The following PSMC1 variants were observed in gnomAD, a reference collection of about 807,000 sequenced individuals.
PSMC1 encodes the protein 26S proteasome regulatory subunit 4.
In PSMC1, 5 loss-of-function variants were observed where a neutral mutation model predicts 49.8. The observed-to-expected ratio is 0.10, with a 90% CI of 0.05 to 0.21. The LOEUF is 0.21. Ranked by LOEUF, PSMC1 falls within the 10% of genes least tolerant of loss-of-function variation. The pLI is 1.00. For missense variants in PSMC1, 181 were observed against 535.7 expected (o/e 0.34, Z 6.54); for synonymous variants, 155 against 192.1 (o/e 0.81, Z 1.60).
chr14:90,272,452 T>C lies in PSMC1; in HGVS notation c.*45T>C. 1.4e-6 allele frequency: 2 copies of C among 1,479,570 alleles called. No individual in the cohort carries two copies. Among genetic ancestry groups the C allele is most frequent in the South Asian group, 2.5e-5 (2 of 78,746 alleles). The allele number at this position is 1,479,570 out of a possible 1,614,324, so 91.7% of individuals were successfully genotyped here. On this transcript the variant is annotated 3_prime_UTR_variant, in exon 11 of 11. Coordinates refer to ENST00000261303, the MANE Select transcript of PSMC1 (RefSeq NM_002802.3). This position sits in a 1 kb window ranked among gnomAD's most constrained non-coding sequence, Gnocchi z 4.5. ...GGAAAATGGTTGGGAGATTTCTCAA[T>C]CCCTGAAAGGGATGAGGTTGGGGGA...
rs1288134187 is a variant in PSMC1 at position 90,274,837 on chromosome 14, CA to C, written c.*2431del. The C allele has an allele frequency of 0.047, 3,149 of 67,178 alleles. 65 individuals are homozygous for C. Among genetic ancestry groups the C allele is most frequent in the Middle Eastern group, 0.12 (10 of 82 alleles). 4.2% of individuals were successfully genotyped at this position (67,178 alleles called of 1,614,324 possible). A position where few individuals can be genotyped will look rare whatever the true frequency, so the allele number is the denominator to read the frequency against. ...ACACACACACACACACACACACACA[CA>C]CCCCAATACATATGAATTGATCTGA... On this transcript the variant is annotated 3_prime_UTR_variant, in exon 11 of 11. Transcript: ENST00000261303.
chr14:90,259,207 T>G lies in PSMC1; in HGVS notation c.51T>G (p.Asp17Glu). The G allele has an allele frequency of 6.2e-7, 1 of 1,613,950 alleles. No homozygotes were observed. Among genetic ancestry groups the G allele is most frequent in the Non-Finnish European group, 8.5e-7 (1 of 1,179,884 alleles). Residue 17 changes from aspartate to glutamate, a missense_variant, in exon 2 of 11, where the codon GAT becomes GAG. Asp to Glu is a conservative substitution (Grantham distance 45). This residue lies in a region of PSMC1 where 121 missense variants were observed against 358.6 expected (regional missense o/e 0.34). Coordinates refer to ENST00000261303, the MANE Select transcript of PSMC1 (RefSeq NM_002802.3). ...ATGGTCCTGGAGGTGGCAAGAAGGA[T>G]GACAAGGTAAATATGCCAGATTTGT... ...GGHGPGGGKK[D>E]DKDKKKKYEP...
intron 5 of PSMC1, 23 bp downstream of exon 5, chr14:90,263,870 A>G (rs1423648389): frequency 6.2e-7 from 1 of 1,613,508 alleles, no homozygotes; most frequent in Admixed American, 1.7e-5. Context: ...TCTTTTTCAG[A>G]AAGCCCACGG....
chr14:90,266,112 A>G (rs1444721207), intron 7 of PSMC1, among the ~76,000 whole-genome samples: 2 of 151,602 alleles, frequency 1.3e-5, no homozygotes, highest in African/African-American at 4.8e-5. Context: ...AAAACTAGCC[A>G]GGTGTGGTGA....
At chr14:90,270,568 T>G in intron 10 of PSMC1, 1 of 507,014 alleles carries the variant, frequency 2.0e-6, no homozygotes. Flanking sequence ...CTAAATCACC[T>G]GGAGCCACAA....
Position 90,263,318 on chromosome 14 carries a change from T to C in PSMC1, c.155T>C (p.Val52Ala), listed in dbSNP as rs1415720620. 1 of 1,588,580 alleles carries C rather than the reference T, an allele frequency of 6.3e-7. No individual in the cohort carries two copies. The highest frequency in any genetic ancestry group is 1.4e-5 in the African/African-American group (1 of 73,472). ...GPDAASKLPL[V>A]TPHTQCRLKL... The stretch of plus-strand genomic sequence containing the variant: ...ATGAAACTTTATATTTAAATTTCAG[T>C]GACACCTCACACTCAGTGCCGGTTA... The change falls in exon 4 of 11, where the codon GTG becomes GCG. Residue 52 changes from valine to alanine, a missense_variant and splice_region_variant. Transcript: ENST00000261303.
At position 90,262,186 on chromosome 14, in the gene PSMC1, A is replaced by T. The variant is rs978230429; in HGVS notation, c.155-1132A>T. Among the ~76,000 whole-genome samples the T allele has an allele frequency of 2.1e-5, 3 of 145,876 alleles. No homozygotes were observed. In the Admixed American group the frequency reaches 2.1e-4, roughly 10 times the overall value. On this transcript the variant is annotated intron_variant, in intron 3 of 10. Coordinates refer to ENST00000261303, the MANE Select transcript of PSMC1 (RefSeq NM_002802.3). ...AGGGGGAGGGATAGCATTAGGAGAT[A>T]TACCTAATGTAAATGACGAGTTAAT...
At chr14:90,270,600 C>T (rs1050224839) in intron 10 of PSMC1, 9 of 372,846 alleles carry the variant, frequency 2.4e-5, no homozygotes, top group Non-Finnish European at 4.3e-5. Flanking sequence ...TGGTACTAAG[C>T]CTTAGGCCCA....
intron 1 of PSMC1, among the ~76,000 whole-genome samples, chr14:90,258,466 G>A (rs916009759): frequency 6.6e-6 from 1 of 152,204 alleles, no homozygotes; most frequent in Non-Finnish European, 1.5e-5. Flanking sequence ...CTTTATATTT[G>A]AAATGCCACC....
intron 6 of PSMC1, 72 bp downstream of exon 6, chr14:90,264,241 GTGTTTTGTA>G: frequency 6.3e-7 from 1 of 1,582,172 alleles, no homozygotes; most frequent in Non-Finnish European, 8.6e-7. Flanking sequence ...TACTTTGCAG[GTGTTTTGTA>G]TGTTTGCTTA....
intron 2 of PSMC1, 23 bp from the exon 3 acceptor site, chr14:90,260,092 T>C (rs781183850): frequency 5.0e-6 from 7 of 1,402,682 alleles, no homozygotes; most frequent in Admixed American, 2.2e-5. Context: ...GATTTTTTTT[T>C]CCTGCTATTC....
At position 90,274,838 on chromosome 14, in the gene PSMC1, A is replaced by ACCCCCCCCCC. The variant is rs1206866308; in HGVS notation, c.*2435_*2436insCCCCCCCCCC. The ACCCCCCCCCC allele has an allele frequency of 1.5e-5, 1 of 67,186 alleles. No individual in the cohort carries two copies. The highest frequency in any genetic ancestry group is 3.2e-5 in the Non-Finnish European group (1 of 31,320). The allele number at this position is 67,186 out of a possible 1,614,324, so 4.2% of individuals were successfully genotyped here. A position where few individuals can be genotyped will look rare whatever the true frequency, so the allele number is the denominator to read the frequency against. On this transcript the variant is annotated 3_prime_UTR_variant, in exon 11 of 11. Coordinates refer to ENST00000261303, the MANE Select transcript of PSMC1 (RefSeq NM_002802.3). ...CACACACACACACACACACACACAC[A>ACCCCCCCCCC]CCCCAATACATATGAATTGATCTGA...
At chr14:90,265,688 C>CAAA (rs35151204) in intron 7 of PSMC1, among the ~76,000 whole-genome samples, 1 of 94,136 alleles carries the variant, frequency 1.1e-5, no homozygotes, top group Non-Finnish European at 2.1e-5. Flanking sequence ...GACTACATCT[C>CAAA]AAAAAAAAAA....
rs1323188324 is a variant in PSMC1 at position 90,263,669 on chromosome 14, G to T, written c.287G>T (p.Arg96Ile). 1 of 1,613,212 alleles carries T rather than the reference G, an allele frequency of 6.2e-7. No homozygotes were observed. ...TGGCATTTTCATATGTAGGAGGAAAGATCAAAAGTGGATGATCTGAGGGGG... is the reference window on the plus strand; with the variant it reads ...TGGCATTTTCATATGTAGGAGGAAATATCAAAAGTGGATGATCTGAGGGGG... ...KPLEEKQEEERSKVDDLRGTP... is the reference protein window; with the variant it reads ...KPLEEKQEEEISKVDDLRGTP... Residue 96 changes from arginine (R) to isoleucine (I), a missense_variant, in exon 5 of 11, where the codon AGA becomes ATA. Physicochemically the swap from Arg to Ile is moderately conservative, Grantham distance 97 (BLOSUM62 -3). Transcript: ENST00000261303.
intron 10 of PSMC1, 43 bp downstream of exon 10, chr14:90,270,395 G>A (rs147214215): frequency 1.6e-5 from 25 of 1,585,152 alleles, no homozygotes; most frequent in African/African-American, 5.4e-5. Context: ...GAATGTGGCC[G>A]TCAATCAGGA....
intron 7 of PSMC1, among the ~76,000 whole-genome samples, chr14:90,265,845 T>A (rs1364790556): frequency 1.0e-4 from 15 of 148,744 alleles, no homozygotes; most frequent in Non-Finnish European, 1.5e-4. Flanking sequence ...GGCAACAGAG[T>A]GAGACCCTGT....
At chr14:90,259,059 TACTC>T (rs1367510124) in intron 1 of PSMC1, 97 bp from the exon 2 acceptor site, 15 of 1,026,066 alleles carry the variant, frequency 1.5e-5, no homozygotes, top group Non-Finnish European at 1.9e-5. Context: ...GGAGAAATGT[TACTC>T]ACAGGACATG....
At chr14:90,268,602 G>A in intron 8 of PSMC1, 189 bp downstream of exon 8, 1 of 596,940 alleles carries the variant, frequency 1.7e-6, no homozygotes, top group Non-Finnish European at 2.9e-6. Flanking sequence ...GTGAACGTCT[G>A]GAGAGATTGG....
Position 90,272,249 on chromosome 14 carries a change from T to C in PSMC1, c.1189-24T>C. 6.2e-7 allele frequency: 1 copy of C among 1,600,622 alleles called. No individual in the cohort carries two copies. The highest frequency in any genetic ancestry group is 8.5e-7 in the Non-Finnish European group (1 of 1,177,232). The stretch of plus-strand genomic sequence containing the variant: ...GAATAAAAATGAGTATGTCACTTTC[T>C]GAACACACTCTTCTTTCTTACAGGC... On this transcript the variant is annotated intron_variant, in intron 10 of 10. Coordinates refer to ENST00000261303, the MANE Select transcript of PSMC1 (RefSeq NM_002802.3). The surrounding 1 kb of genome is among the most constrained non-coding windows in gnomAD (Gnocchi z 4.5).
Sources: allele counts gnomAD v4.1 joint callset (sites outside exome capture counted in the v4.1 genomes callset), GRCh38; gene constraint gnomAD v4.1.1; regional missense constraint gnomAD v4.1.1; non-coding constraint Gnocchi (gnomAD v3.1); transcripts MANE v1.5; gene names NCBI Gene and HGNC (gene_info 2026-07-23, HGNC 2026-07-21).